Variants in CCSER1 observed in about 807,000 individuals in gnomAD.
The protein encoded by CCSER1 is coiled-coil serine rich protein 1.
A neutral mutation model predicts 82.0 loss-of-function variants in CCSER1; 41 were observed. That is an observed-to-expected ratio of 0.50 (90% CI 0.39 to 0.65). The LOEUF is 0.65. Among genes scored for constraint, CCSER1 ranks in the 30% least tolerant of loss-of-function variants. The probability of loss-of-function intolerance (pLI) is 0.00; values close to 1 mark genes in which losing one functional copy is unlikely to be tolerated. For missense variants in CCSER1, 1,119 were observed against 1,064.2 expected (o/e 1.05, Z -0.72); for synonymous variants, 414 against 383.9 (o/e 1.08, Z -0.92).
chr4:90,865,424 C>G (rs1419303493), intron 8 of CCSER1, among the ~76,000 whole-genome samples: 1 of 152,014 alleles, frequency 6.6e-6, no homozygotes, highest in Non-Finnish European at 1.5e-5. Context: ...CAATTGAACA[C>G]TAATCCCTAC....
chr4:90,969,799 G>A (rs1441623470), intron 9 of CCSER1, among the ~76,000 whole-genome samples: 1 of 151,912 alleles, frequency 6.6e-6, no homozygotes, highest in African/African-American at 2.4e-5. Flanking sequence ...AGCAGTGGTA[G>A]TGTGTAAACT....
chr4:90,978,224 C>A (rs187546063), intron 9 of CCSER1, among the ~76,000 whole-genome samples: 1 of 151,512 alleles, frequency 6.6e-6, no homozygotes. Flanking sequence ...TATTCAAATG[C>A]GTCACTTAAT....
At chr4:90,235,823 G>C (rs930845494) in intron 1 of CCSER1, among the ~76,000 whole-genome samples, 10 of 152,128 alleles carry the variant, frequency 6.6e-5, no homozygotes, top group African/African-American at 2.4e-4. Context: ...AGTGGGAGTG[G>C]TTTACTTTTT....
At chr4:90,731,396 A>G (rs1445129177) in intron 7 of CCSER1, among the ~76,000 whole-genome samples, 1 of 152,178 alleles carries the variant, frequency 6.6e-6, no homozygotes, top group South Asian at 2.1e-4. Flanking sequence ...ATAATATTCA[A>G]TCCTACAAGT....
intron 1 of CCSER1, among the ~76,000 whole-genome samples, chr4:90,302,177 C>T (rs908097553): frequency 5.3e-5 from 8 of 152,102 alleles, no homozygotes; most frequent in African/African-American, 1.7e-4. Context: ...TCTATAGGTA[C>T]AAATTGCGTA....
intron 5 of CCSER1, among the ~76,000 whole-genome samples, chr4:90,610,767 T>C (rs547954955): frequency 6.6e-6 from 1 of 152,232 alleles, no homozygotes; most frequent in Non-Finnish European, 1.5e-5. Context: ...TTTATTAATA[T>C]GCATTGAATA....
intron 10 of CCSER1, among the ~76,000 whole-genome samples, chr4:91,367,582 A>G (rs1749722222): frequency 1.3e-5 from 2 of 151,966 alleles, no homozygotes; most frequent in African/African-American, 2.4e-5. Flanking sequence ...CTTTACCAGT[A>G]GGCATGCCTA....
chr4:91,214,655 T>G (rs1737102564), intron 10 of CCSER1, among the ~76,000 whole-genome samples: 1 of 152,172 alleles, frequency 6.6e-6, no homozygotes, highest in Admixed American at 6.5e-5. Flanking sequence ...TATTTACTAT[T>G]CTGAATGAGT....
At chr4:90,510,577 A>G (rs1184929869) in intron 5 of CCSER1, among the ~76,000 whole-genome samples, 1 of 152,250 alleles carries the variant, frequency 6.6e-6, no homozygotes, top group Non-Finnish European at 1.5e-5. Context: ...TTTCCATGAC[A>G]CTATTGCAAT....
chr4:90,779,622 A>G (rs1480016067), intron 7 of CCSER1, among the ~76,000 whole-genome samples: 1 of 152,180 alleles, frequency 6.6e-6, no homozygotes, highest in East Asian at 1.9e-4. Context: ...GTATCCTTAC[A>G]ATTTCAGATT....
At chr4:91,409,739 T>A (rs1471136185) in intron 10 of CCSER1, among the ~76,000 whole-genome samples, 1 of 152,174 alleles carries the variant, frequency 6.6e-6, no homozygotes. Flanking sequence ...CAGGCTGGAA[T>A]GCAGTGGCAC....
At chr4:90,998,488 A>G (rs1737703992) in intron 9 of CCSER1, among the ~76,000 whole-genome samples, 1 of 152,252 alleles carries the variant, frequency 6.6e-6, no homozygotes, top group Non-Finnish European at 1.5e-5. Context: ...TCAGCAAAAA[A>G]TATGAAATTA....
rs1290591330 is a variant in CCSER1 at position 90,400,142 on chromosome 4, G to A, written c.1603+13G>A. On this transcript the variant is annotated intron_variant, in intron 4 of 10. Transcript: ENST00000509176. Reference sequence around the variant, plus strand: ...CTTCACCCTTCTGGTAAGTGTTAAAGAGATGAATAATATCATACAACTCCT... The same window carrying A: ...CTTCACCCTTCTGGTAAGTGTTAAAAAGATGAATAATATCATACAACTCCT... 3 of 1,439,856 alleles carry A rather than the reference G, an allele frequency of 2.1e-6. No individual in the cohort carries two copies. The highest frequency in any genetic ancestry group is 2.0e-6 in the Non-Finnish European group (2 of 1,025,218). The allele number at this position is 1,439,856 out of a possible 1,614,324, so 89.2% of individuals were successfully genotyped here. A position where few individuals can be genotyped will look rare whatever the true frequency, so the allele number is the denominator to read the frequency against.
intron 10 of CCSER1, among the ~76,000 whole-genome samples, chr4:91,408,413 C>T (rs1752832553): frequency 6.6e-6 from 1 of 152,180 alleles, no homozygotes. Flanking sequence ...CAGTTCCAAA[C>T]CAGGTGGTTA....
intron 10 of CCSER1, among the ~76,000 whole-genome samples, chr4:91,279,746 A>C (rs1213248034): frequency 6.6e-6 from 1 of 152,204 alleles, no homozygotes; most frequent in African/African-American, 2.4e-5. Flanking sequence ...GAATTTCACA[A>C]ATTTCTTCAT....
At chr4:91,185,610 C>T (rs1347407803) in intron 10 of CCSER1, among the ~76,000 whole-genome samples, 1 of 152,214 alleles carries the variant, frequency 6.6e-6, no homozygotes, top group African/African-American at 2.4e-5. Context: ...GAATGGGGCC[C>T]AGGACAGGCC....
chr4:90,231,053 A>C (rs1744420404), intron 1 of CCSER1, among the ~76,000 whole-genome samples: 1 of 152,156 alleles, frequency 6.6e-6, no homozygotes, highest in African/African-American at 2.4e-5. Flanking sequence ...ACAAGGAGGA[A>C]CTGATACCAT....
intron 10 of CCSER1, among the ~76,000 whole-genome samples, chr4:91,584,083 G>A (rs1763868203): frequency 6.6e-6 from 1 of 151,332 alleles, no homozygotes; most frequent in South Asian, 2.1e-4. Context: ...GTAGGTACTG[G>A]GAAAGCTGGT....
chr4:91,263,812 T>A (rs972209009), intron 10 of CCSER1, among the ~76,000 whole-genome samples: 2 of 151,880 alleles, frequency 1.3e-5, no homozygotes, highest in African/African-American at 4.8e-5. Context: ...GCTGGAAAAA[T>A]TCTCCTACTT....
Sources: gnomAD v4.1 joint callset for allele counts (sites outside exome capture counted in the v4.1 genomes callset) on GRCh38, gnomAD v4.1.1 for gene constraint, MANE v1.5 for transcripts, NCBI Gene and HGNC (gene_info 2026-07-23, HGNC 2026-07-21) for gene names.